The following TBCCD1 variants were observed in gnomAD, a reference collection of about 807,000 sequenced individuals.
The protein encoded by TBCCD1 is TBCC domain containing 1, also known as TBCC domain-containing protein 1.
In TBCCD1, 26 loss-of-function variants were observed where a neutral mutation model predicts 53.4. The ratio of observed to expected loss-of-function variants is 0.49; its 90% CI spans 0.36 to 0.68. The LOEUF (loss-of-function observed/expected upper bound fraction) is 0.68. Ranked by LOEUF, TBCCD1 falls within the 30% of genes least tolerant of loss-of-function variation. TBCCD1 has a pLI of 0.00. For missense variants in TBCCD1, 558 were observed against 669.5 expected (o/e 0.83, Z 1.84); for synonymous variants, 245 against 241.7 (o/e 1.01, Z -0.13).
In TBCCD1 at chr3:186,556,766, C is replaced by T. The variant is rs1560226542; in HGVS notation, c.502G>A (p.Asp168Asn). ...KSNCHNKNWN[D>N]YSHQAFVYDH... ...TAGACAAAAGCTTGGTGACTGTAAT[C>T]ATTCCAGTTCTAAAAAAAAGTTAAA... The change falls in exon 4 of 8, where the codon GAT becomes AAT. Residue 168 changes from aspartate (D) to asparagine (N), a missense_variant. By Grantham distance (23) the Asp-to-Asn change is conservative (BLOSUM62 1). Coordinates refer to ENST00000338733, the MANE Select transcript of TBCCD1 (RefSeq NM_018138.5). 5 of 1,607,732 alleles carry T rather than the reference C, an allele frequency of 3.1e-6. No individual in the cohort carries two copies. The highest frequency in any genetic ancestry group is 4.2e-6 in the Non-Finnish European group (5 of 1,178,704).
chr3:186,565,109 C>CTTTTTTT (rs370017010), intron 1 of TBCCD1, among the ~76,000 whole-genome samples: 23 of 124,742 alleles, frequency 1.8e-4, no homozygotes, highest in South Asian at 2.6e-4. Flanking sequence ...TCTTCTTCTT[C>CTTTTTTT]TTTTTTTTTT....
Position 186,564,375 on chromosome 3 carries a change from A to C in TBCCD1, c.-43-3T>G. On this transcript the variant is annotated splice_region_variant and splice_polypyrimidine_tract_variant and intron_variant, in intron 1 of 7. Coordinates refer to ENST00000338733, the MANE Select transcript of TBCCD1 (RefSeq NM_018138.5). Reference sequence around the variant, plus strand: ...GGTGAAAAGGCTTCTTTGCATACCTAGGAAACAAAGTTTCTTCATAAACTG... The same window carrying C: ...GGTGAAAAGGCTTCTTTGCATACCTCGGAAACAAAGTTTCTTCATAAACTG... The C allele has an allele frequency of 6.6e-7, 1 of 1,514,528 alleles. No individual in the cohort carries two copies. The highest frequency in any genetic ancestry group is 8.9e-7 in the Non-Finnish European group (1 of 1,126,620). 93.8% of individuals were successfully genotyped at this position (1,514,528 alleles called of 1,614,324 possible). A position where few individuals can be genotyped will look rare whatever the true frequency, so the allele number is the denominator to read the frequency against.
rs781424663 is a variant in TBCCD1 at position 186,558,530 on chromosome 3, G to C, written c.379C>G (p.Gln127Glu). Reference sequence around the variant, plus strand: ...CTTAGGGAGACCTTGTTCAACTGTTGAATGTATAAGAAGAGCAGAAACTGT... The same window carrying C: ...CTTAGGGAGACCTTGTTCAACTGTTCAATGTATAAGAAGAGCAGAAACTGT... ...TLQFLLFLYI[Q>E]QLNKVSLRTS... The change falls in exon 3 of 8, where the codon CAA (glutamine) becomes GAA (glutamate). Residue 127 changes from glutamine to glutamate, a missense_variant. Transcript: ENST00000338733. The C allele has an allele frequency of 3.8e-5, 62 of 1,614,040 alleles. 1 individual carries two copies. Among genetic ancestry groups the C allele is most frequent in the Non-Finnish European group, 2.5e-5 (30 of 1,180,028 alleles).
chr3:186,553,484 T>A (rs1375051088), intron 6 of TBCCD1: 1 of 152,224 alleles, frequency 6.6e-6, no homozygotes, highest in African/African-American at 2.4e-5. Context: ...CTCTGGTTAC[T>A]GAGAAGTCAG....
intron 4 of TBCCD1, among the ~76,000 whole-genome samples, chr3:186,556,160 T>C (rs7613514): frequency 0.025 from 3,829 of 152,320 alleles, 155 homozygotes; most frequent in African/African-American, 0.087. Context: ...ACATAATATA[T>C]GGTTATTTAG....
At chr3:186,565,646 G>A (rs1714807270) in intron 1 of TBCCD1, among the ~76,000 whole-genome samples, 1 of 152,032 alleles carries the variant, frequency 6.6e-6, no homozygotes, top group Non-Finnish European at 1.5e-5. Flanking sequence ...GTACGTGGGG[G>A]GCTCACTGAT....
At position 186,554,421 on chromosome 3, in the gene TBCCD1, C is replaced by T; in HGVS notation, c.1377G>A (p.Gln459=). 6.2e-7 allele frequency: 1 copy of T among 1,614,212 alleles called. No homozygotes were observed. The highest frequency in any genetic ancestry group is 8.5e-7 in the Non-Finnish European group (1 of 1,180,044). Residue 459 remains glutamine, a synonymous_variant, in exon 6 of 8, where the codon CAG becomes CAA. Coordinates refer to ENST00000338733, the MANE Select transcript of TBCCD1 (RefSeq NM_018138.5). ...CATAGAATTCACAAGGTGGTAAAAG[C>T]TGGAAGACTCTTGTGTCGCTGTTCT... ...CRENSDTRVF[Q]LLPPCEFYVF...
At chr3:186,549,566 C>A (rs1395289739) in intron 7 of TBCCD1, among the ~76,000 whole-genome samples, 1 of 152,142 alleles carries the variant, frequency 6.6e-6, no homozygotes, top group Non-Finnish European at 1.5e-5. Flanking sequence ...CCAGCTGAGA[C>A]AGGATTGCTT....
intron 2 of TBCCD1, among the ~76,000 whole-genome samples, chr3:186,563,610 T>C (rs775459031): frequency 6.6e-6 from 1 of 152,250 alleles, no homozygotes; most frequent in Non-Finnish European, 1.5e-5. Flanking sequence ...GTAACATTAC[T>C]GCTTTGGGAG....
chr3:186,564,036 G>A lies in TBCCD1; in HGVS notation c.294C>T (p.Ser98=), dbSNP rs928852212. The A allele has an allele frequency of 6.2e-7, 1 of 1,613,650 alleles. No individual in the cohort carries two copies. Among genetic ancestry groups the A allele is most frequent in the African/African-American group, 1.3e-5 (1 of 74,892 alleles). The change falls in exon 2 of 8, where the codon TCC becomes TCT. Residue 98 remains serine (S), a synonymous_variant. Coordinates refer to ENST00000338733, the MANE Select transcript of TBCCD1 (RefSeq NM_018138.5). ...EERLEWSEVL[S]NCMSEEEVEK... ...CAACTTCCTCCTCAGACATGCAGTT[G>A]GACAGAACCTCAGACCATTCCAGGC... is the stretch of plus-strand genomic sequence containing the variant.
rs539848012 is a variant in TBCCD1, at chr3:186,567,304, G to T, written c.-81C>A. On this transcript the variant is annotated 5_prime_UTR_variant, in exon 1 of 8. Transcript: ENST00000338733. Reference sequence around the variant, plus strand: ...GCGCCGCTCCGCCGCACTTCTCCGCGCGCCGCCGCGCCCGGCGTCCGCTCG... The same window carrying T: ...GCGCCGCTCCGCCGCACTTCTCCGCTCGCCGCCGCGCCCGGCGTCCGCTCG... The T allele has an allele frequency of 6.5e-6, 1 of 152,836 alleles. No individual in the cohort carries two copies. Among genetic ancestry groups the T allele is most frequent in the Non-Finnish European group, 1.5e-5 (1 of 68,636 alleles). 9.5% of individuals were successfully genotyped at this position (152,836 alleles called of 1,614,324 possible).
At chr3:186,568,915 G>GAAAAAAAAAAAAAA (rs1714917957), upstream of TBCCD1, among the ~76,000 whole-genome samples, 1 of 137,644 alleles carries the variant, frequency 7.3e-6, no homozygotes, top group African/African-American at 2.9e-5. Flanking sequence ...GAAAAAAAAA[G>GAAAAAAAAAAAAAA]AAATAAAGAA....
chr3:186,563,418 A>T (rs1342696161), intron 2 of TBCCD1, among the ~76,000 whole-genome samples: 1 of 152,174 alleles, frequency 6.6e-6, no homozygotes, highest in African/African-American at 2.4e-5. Context: ...CTACTAGTCC[A>T]TAAGCTCCAT....
intron 3 of TBCCD1, 58 bp from the exon 4 acceptor site, chr3:186,556,833 T>G (rs1714558811): frequency 6.6e-7 from 1 of 1,526,338 alleles, no homozygotes; most frequent in Non-Finnish European, 8.8e-7. Flanking sequence ...GATCTAAAAT[T>G]TCTATATTTT....
At chr3:186,558,685 T>A (rs987713590) in intron 2 of TBCCD1, 113 bp from the exon 3 acceptor site, 2 of 1,130,448 alleles carry the variant, frequency 1.8e-6, no homozygotes, top group Non-Finnish European at 2.5e-6. Flanking sequence ...AAAAACCAAC[T>A]TAGAAACATT....
At chr3:186,549,741 CA>C (rs1359550732) in intron 7 of TBCCD1, among the ~76,000 whole-genome samples, 1 of 152,346 alleles carries the variant, frequency 6.6e-6, no homozygotes, top group African/African-American at 2.4e-5. Context: ...ACAGAGGTTA[CA>C]TATACACTTT....
chr3:186,562,123 CTT>C (rs1714706916), intron 2 of TBCCD1, among the ~76,000 whole-genome samples: 1 of 152,184 alleles, frequency 6.6e-6, no homozygotes, highest in South Asian at 2.1e-4. Flanking sequence ...GGGAGGATCA[CTT>C]GAGGCCAAGA....
rs1714371025 is a variant in TBCCD1, at chr3:186,551,324, C to A, written c.1545-45G>T. The A allele has an allele frequency of 2.6e-6, 4 of 1,550,416 alleles. No individual in the cohort carries two copies. In the East Asian group the frequency reaches 9.1e-5, roughly 35 times the overall value. ...TAAAAAGAATATAAGAACATGAATTCATATAAATTGTACTCTAAGCAATTA... is the reference window on the plus strand; with the variant it reads ...TAAAAAGAATATAAGAACATGAATTAATATAAATTGTACTCTAAGCAATTA... On this transcript the variant is annotated intron_variant, in intron 6 of 7. Transcript: ENST00000338733.
chr3:186,558,027 A>C (rs1048007375), intron 3 of TBCCD1, among the ~76,000 whole-genome samples: 3 of 152,232 alleles, frequency 2.0e-5, no homozygotes, highest in Non-Finnish European at 4.4e-5. Context: ...TAATTACTTA[A>C]ACAACATGAG....
Sources: gnomAD v4.1 joint callset for allele counts (sites outside exome capture counted in the v4.1 genomes callset) on GRCh38, gnomAD v4.1.1 for gene constraint, MANE v1.5 for transcripts, NCBI Gene and HGNC (gene_info 2026-07-23, HGNC 2026-07-21) for gene names.